Variants in KLHL3 observed in about 807,000 individuals in gnomAD.
The protein encoded by KLHL3 is kelch like family member 3.
In KLHL3, 19 loss-of-function variants were observed where a neutral mutation model predicts 70.5. The observed-to-expected ratio is 0.27, with a 90% confidence interval of 0.19 to 0.40. KLHL3 has a LOEUF of 0.40. KLHL3 is among the 10% of genes least tolerant of loss of function. The pLI is 1.00. For synonymous variants in KLHL3, 258 were observed against 290.3 expected, an observed-to-expected ratio of 0.89 and a Z score of 1.13; for missense variants, 512 against 771.1, an observed-to-expected ratio of 0.66 and a Z score of 3.98.
At chr5:137,713,719 G>A (rs1752840648) in intron 2 of KLHL3, among the ~76,000 whole-genome samples, 1 of 152,124 alleles carries the variant, frequency 6.6e-6, no homozygotes, top group African/African-American at 2.4e-5. Flanking sequence ...TTCAAAGGAT[G>A]CCATCAGGAT....
At chr5:137,631,066 A>G (rs1046767464) in intron 12 of KLHL3, among the ~76,000 whole-genome samples, 2 of 111,298 alleles carry the variant, frequency 1.8e-5, no homozygotes, top group Non-Finnish European at 3.6e-5. Flanking sequence ...ATCTCCAAAA[A>G]TACAAAAAAA....
At chr5:137,693,731 G>A (rs1752378735) in intron 4 of KLHL3, among the ~76,000 whole-genome samples, 1 of 152,192 alleles carries the variant, frequency 6.6e-6, no homozygotes, top group Admixed American at 6.5e-5. Context: ...GCTCTCAGCT[G>A]CTGCCCTGGC....
chr5:137,694,823 T>C (rs907655169), intron 4 of KLHL3, among the ~76,000 whole-genome samples: 2 of 152,042 alleles, frequency 1.3e-5, no homozygotes, highest in Non-Finnish European at 2.9e-5. Flanking sequence ...CTCTAACCAG[T>C]GACCCTCAGA....
At chr5:137,654,007 C>T (rs1028090304) in intron 8 of KLHL3, among the ~76,000 whole-genome samples, 2 of 152,206 alleles carry the variant, frequency 1.3e-5, no homozygotes, top group African/African-American at 2.4e-5. Context: ...GGACTACATA[C>T]AGCATGATTC....
intron 1 of KLHL3, among the ~76,000 whole-genome samples, chr5:137,729,520 G>A (rs1415079364): frequency 6.6e-6 from 1 of 152,088 alleles, no homozygotes; most frequent in Non-Finnish European, 1.5e-5. Context: ...GACCAGTTTG[G>A]CCTCCCCCGT....
chr5:137,664,396 A>G (rs1180334276), intron 6 of KLHL3, among the ~76,000 whole-genome samples: 1 of 152,136 alleles, frequency 6.6e-6, no homozygotes, highest in Non-Finnish European at 1.5e-5. Flanking sequence ...TATGGATACT[A>G]AAAAAGTGTA....
intron 14 of KLHL3, 51 bp from the exon 15 acceptor site, chr5:137,622,177 C>G (rs769824681): frequency 1.9e-6 from 3 of 1,597,608 alleles, no homozygotes; most frequent in Non-Finnish European, 2.6e-6. Context: ...CAAAATTACT[C>G]AGAGTCCCAG....
chr5:137,628,740 T>G (rs111694217), intron 12 of KLHL3: 3 of 154,926 alleles, frequency 1.9e-5, no homozygotes, highest in African/African-American at 8.6e-5. Flanking sequence ...CAGACATACA[T>G]ACATACATAC....
intron 14 of KLHL3, among the ~76,000 whole-genome samples, 188 bp downstream of exon 14, chr5:137,625,565 T>C (rs1750438289): frequency 6.6e-6 from 1 of 152,182 alleles, no homozygotes. Context: ...GTGCTAATTA[T>C]CAATATCTGT....
Position 137,639,346 on chromosome 5 carries a change from T to C in KLHL3, c.1022-196A>G, listed in dbSNP as rs533189977. On this transcript the variant is annotated intron_variant, in intron 9 of 14. Coordinates refer to ENST00000309755, the MANE Select transcript of KLHL3 (RefSeq NM_017415.3). The surrounding 1 kb of genome is among the most constrained non-coding windows in gnomAD (Gnocchi z 5.0). ...TAATTTTGTCTGATTCAAGTAAATA[T>C]TTGAATCAGCTTTAACTCCCCAAGC... is the stretch of plus-strand genomic sequence containing the variant. Among the ~76,000 whole-genome samples, 2 of 152,254 alleles carry C rather than the reference T, an allele frequency of 1.3e-5. No homozygotes were observed. Among genetic ancestry groups the C allele is most frequent in the South Asian group, 2.1e-4 (1 of 4,822 alleles).
chr5:137,708,687 T>G (rs1406237539), intron 3 of KLHL3, among the ~76,000 whole-genome samples: 1 of 151,934 alleles, frequency 6.6e-6, no homozygotes. Flanking sequence ...TGGTGATAAA[T>G]GTTATGAAAA....
At chr5:137,669,988 G>T (rs1751711452) in intron 6 of KLHL3, among the ~76,000 whole-genome samples, 1 of 152,116 alleles carries the variant, frequency 6.6e-6, no homozygotes, top group East Asian at 1.9e-4. Context: ...ATTTGCCCCA[G>T]CTGTAAAACT....
intron 2 of KLHL3, among the ~76,000 whole-genome samples, chr5:137,717,739 A>G (rs1284479838): frequency 6.6e-6 from 1 of 152,212 alleles, no homozygotes; most frequent in African/African-American, 2.4e-5. Context: ...ATGTTCTATA[A>G]TAAATATATT....
At chr5:137,642,841 T>A (rs1750950096) in intron 8 of KLHL3, among the ~76,000 whole-genome samples, 1 of 151,526 alleles carries the variant, frequency 6.6e-6, no homozygotes, top group Non-Finnish European at 1.5e-5. Context: ...ATACTTGGCA[T>A]AAGCTATCCA....
chr5:137,682,103 GC>G (rs111659334), intron 5 of KLHL3, among the ~76,000 whole-genome samples: 1,700 of 152,130 alleles, frequency 0.011, 31 homozygotes, highest in African/African-American at 0.039. Flanking sequence ...ACCATTCTAA[GC>G]ATTTTACATA....
Position 137,622,048 on chromosome 5 carries a change from C to A in KLHL3, c.*50G>T. 1 of 1,604,396 alleles carries A rather than the reference C, an allele frequency of 6.2e-7. No individual in the cohort carries two copies. The highest frequency in any genetic ancestry group is 1.1e-5 in the South Asian group (1 of 90,854). On this transcript the variant is annotated 3_prime_UTR_variant, in exon 15 of 15. Transcript: ENST00000309755. Reference sequence around the variant, plus strand: ...TCACCAAGGTCCTGCTGTTCAGAGTCACAGGCAGCACCTGCTCCTTCCTCC... The same window carrying A: ...TCACCAAGGTCCTGCTGTTCAGAGTAACAGGCAGCACCTGCTCCTTCCTCC...
intron 1 of KLHL3, chr5:137,720,956 C>A (rs776634404): frequency 1.1e-6 from 1 of 905,980 alleles, no homozygotes; most frequent in Non-Finnish European, 1.3e-6. Flanking sequence ...CCAGGCACTG[C>A]GTTTAGATTT....
At chr5:137,716,955 G>A (rs1056839391) in intron 2 of KLHL3, among the ~76,000 whole-genome samples, 3 of 152,160 alleles carry the variant, frequency 2.0e-5, no homozygotes, top group African/African-American at 7.2e-5. Context: ...AGTTAATCAA[G>A]GGTCCCCTTG....
intron 14 of KLHL3, among the ~76,000 whole-genome samples, chr5:137,622,448 C>T (rs149033598): frequency 6.6e-6 from 1 of 152,360 alleles, no homozygotes; most frequent in African/African-American, 2.4e-5. Context: ...GCTCAGCGCC[C>T]AGGGGCAGCT....
Sources: gnomAD v4.1 joint callset for allele counts (sites outside exome capture counted in the v4.1 genomes callset) on GRCh38, gnomAD v4.1.1 for gene constraint, Gnocchi (gnomAD v3.1) non-coding constraint, MANE v1.5 for transcripts, NCBI Gene and HGNC (gene_info 2026-07-23, HGNC 2026-07-21) for gene names.